Variants in TSPAN19 observed in about 807,000 individuals in gnomAD.
TSPAN19 encodes tetraspanin 19, also known as tetraspanin-19.
Under a neutral mutation model 35.1 loss-of-function variants are expected in TSPAN19, and 44 were observed. The observed-to-expected ratio is 1.25, with a 90% CI of 0.98 to 1.61. TSPAN19 has a LOEUF of 1.61. Among genes scored for constraint, TSPAN19 ranks in the 40% most tolerant of loss-of-function variants. The probability of loss-of-function intolerance (pLI) is 0.00; values close to 1 mark genes in which losing one functional copy is unlikely to be tolerated. For missense variants in TSPAN19, 290 were observed against 280.0 expected, an observed-to-expected ratio of 1.04 and a Z score of -0.26; for synonymous variants, 79 against 92.0, an observed-to-expected ratio of 0.86 and a Z score of 0.81.
rs904084544 is a variant in TSPAN19, at chr12:85,023,298, T to A, written c.339+28A>T. ...TTCCTTTAAACTTCAAATAACAGGA[T>A]GTATTGAAAAGGATTTACTTTCCAT... On this transcript the variant is annotated intron_variant, in intron 5 of 8. Transcript: ENST00000532498. 6 of 1,529,050 alleles carry A rather than the reference T, an allele frequency of 3.9e-6. No individual in the cohort carries two copies. The African/African-American group carries it at 5.5e-5, about 14-fold the overall frequency. The allele number at this position is 1,529,050 out of a possible 1,614,324, so 94.7% of individuals were successfully genotyped here.
intron 7 of TSPAN19, chr12:85,016,298 C>A (rs1876794542): frequency 1.1e-5 from 2 of 184,786 alleles, no homozygotes; most frequent in Non-Finnish European, 2.2e-5. Context: ...AGCAATACCC[C>A]CAGTGGAGGC....
chr12:85,017,674 T>A (rs1193185288), intron 6 of TSPAN19, 75 bp from the exon 7 acceptor site: 2 of 1,163,494 alleles, frequency 1.7e-6, no homozygotes, highest in Non-Finnish European at 2.4e-6. Flanking sequence ...AATATTGAAG[T>A]GGTTTTTGTG....
intron 1 of TSPAN19, among the ~76,000 whole-genome samples, chr12:85,035,689 A>G (rs1159020519): frequency 1.3e-5 from 2 of 152,062 alleles, no homozygotes; most frequent in Admixed American, 6.5e-5. Flanking sequence ...TATGTTATTA[A>G]TTAAAATATT....
chr12:85,027,393 A>G (rs535452454), intron 4 of TSPAN19, among the ~76,000 whole-genome samples: 1 of 152,280 alleles, frequency 6.6e-6, no homozygotes. Context: ...GCATCGTGCA[A>G]TATACCCATG....
At chr12:85,017,258 T>A (rs1876863408) in intron 7 of TSPAN19, 198 bp downstream of exon 7, 4 of 507,102 alleles carry the variant, frequency 7.9e-6, no homozygotes, top group Non-Finnish European at 1.4e-5. Flanking sequence ...GGAAATTTAT[T>A]TACTTTACGT....
At chr12:85,031,963 A>T (rs899632604) in intron 1 of TSPAN19, among the ~76,000 whole-genome samples, 3 of 152,136 alleles carry the variant, frequency 2.0e-5, no homozygotes, top group African/African-American at 7.2e-5. Flanking sequence ...AATTAGAAAA[A>T]AAAGAGAGCT....
intron 5 of TSPAN19, among the ~76,000 whole-genome samples, chr12:85,021,172 T>C (rs566537881): frequency 1.3e-5 from 2 of 152,184 alleles, no homozygotes; most frequent in South Asian, 4.1e-4. Context: ...ATGAATGGAA[T>C]ACAGACACTC....
At chr12:85,026,908 A>C (rs1424988028) in intron 4 of TSPAN19, among the ~76,000 whole-genome samples, 2 of 152,188 alleles carry the variant, frequency 1.3e-5, no homozygotes, top group Non-Finnish European at 2.9e-5. Context: ...GTGACTACCC[A>C]GACTTTCAGT....
chr12:85,017,829 T>C (rs1324121868), intron 6 of TSPAN19, among the ~76,000 whole-genome samples: 3 of 151,880 alleles, frequency 2.0e-5, no homozygotes, highest in Non-Finnish European at 1.5e-5. Flanking sequence ...TGGCTTGTGG[T>C]TGGATAGAAT....
intron 6 of TSPAN19, among the ~76,000 whole-genome samples, chr12:85,019,110 C>T (rs1482453215): frequency 2.6e-5 from 4 of 151,874 alleles, no homozygotes; most frequent in Non-Finnish European, 5.9e-5. Flanking sequence ...CCAAGCCTTT[C>T]TATATATAGC....
rs568641477 is a variant in TSPAN19 at position 85,033,411 on chromosome 12, T to C, written c.-28+2793A>G. Reference sequence around the variant, plus strand: ...TCTGGCCTCAATGTGGAAGCCAAATTAGAAAAGACACTTAAGATAGGGGGA... The same window carrying C: ...TCTGGCCTCAATGTGGAAGCCAAATCAGAAAAGACACTTAAGATAGGGGGA... On this transcript the variant is annotated intron_variant, in intron 1 of 8. Transcript: ENST00000532498. Among the ~76,000 whole-genome samples, 7 of 151,998 alleles carry C rather than the reference T, an allele frequency of 4.6e-5. No individual in the cohort carries two copies. The South Asian group carries it at 1.5e-3, about 32-fold the overall frequency.
intron 5 of TSPAN19, among the ~76,000 whole-genome samples, chr12:85,021,616 AT>A (rs1403438149): frequency 1.3e-5 from 2 of 152,104 alleles, no homozygotes; most frequent in Non-Finnish European, 2.9e-5. Context: ...TATAAATAAA[AT>A]TCCCTTATGC....
At chr12:85,033,348 AG>A (rs1456597840) in intron 1 of TSPAN19, among the ~76,000 whole-genome samples, 1 of 152,080 alleles carries the variant, frequency 6.6e-6, no homozygotes, top group Non-Finnish European at 1.5e-5. Flanking sequence ...GCTTTACTAA[AG>A]ATTTTTTTTT....
intron 7 of TSPAN19, chr12:85,016,267 T>TC: frequency 4.5e-6 from 1 of 220,860 alleles, no homozygotes. Flanking sequence ...CAGGATACAG[T>TC]AGTTTCCCTA....
In TSPAN19 at chr12:85,018,502, C is replaced by A. The variant is rs114136899; in HGVS notation, c.451-903G>T. On this transcript the variant is annotated intron_variant, in intron 6 of 8. Coordinates refer to ENST00000532498, the MANE Select transcript of TSPAN19 (RefSeq NM_001100917.2). ...ATGATAGACAGAATTGTTTCCTCAT[C>A]ATTTTCTGCCCATAGGAAGGTTCAC... Among the ~76,000 whole-genome samples the A allele has an allele frequency of 1.0e-3, 153 of 151,968 alleles. 1 individual carries two copies. Among genetic ancestry groups the A allele is most frequent in the African/African-American group, 3.6e-3 (150 of 41,510 alleles).
intron 1 of TSPAN19, among the ~76,000 whole-genome samples, 152 bp downstream of exon 1, chr12:85,036,052 T>C (rs933668761): frequency 6.6e-6 from 1 of 152,210 alleles, no homozygotes; most frequent in East Asian, 1.9e-4. Context: ...GAACACCTTA[T>C]ACATGGGCAA....
At chr12:85,032,711 C>T (rs189248711) in intron 1 of TSPAN19, among the ~76,000 whole-genome samples, 74 of 152,184 alleles carry the variant, frequency 4.9e-4, no homozygotes, top group African/African-American at 1.3e-3. Context: ...AGAACAATGA[C>T]GTGCCAACAC....
chr12:85,014,741 A>T lies in TSPAN19; in HGVS notation c.679-186T>A, dbSNP rs1019490597. ...AAGTCTGCAAAATGAGTCTTCAAGA[A>T]TAACCCACCTGTTACCAAGTTCACG... On this transcript the variant is annotated intron_variant, in intron 8 of 8. Transcript: ENST00000532498. 1.7e-5 allele frequency: 8 copies of T among 465,992 alleles called. 1 individual carries two copies. Among genetic ancestry groups the T allele is most frequent in the Admixed American group, 1.7e-4 (4 of 24,058 alleles). 28.9% of individuals were successfully genotyped at this position (465,992 alleles called of 1,614,324 possible). A position where few individuals can be genotyped will look rare whatever the true frequency, so the allele number is the denominator to read the frequency against.
At chr12:85,014,635 C>T in intron 8 of TSPAN19, 80 bp from the exon 9 acceptor site, 1 of 1,009,658 alleles carries the variant, frequency 9.9e-7, no homozygotes, top group East Asian at 2.5e-5. Flanking sequence ...TATATAGTCA[C>T]CAAAATGCGT....
Sources: gnomAD v4.1 joint callset for allele counts (sites outside exome capture counted in the v4.1 genomes callset) on GRCh38, gnomAD v4.1.1 for gene constraint, MANE v1.5 for transcripts, NCBI Gene and HGNC (gene_info 2026-07-23, HGNC 2026-07-21) for gene names.